SMPX: variants seen among roughly 807,000 people sequenced by gnomAD.
SMPX encodes the protein small muscular protein.
Under a neutral mutation model 6.3 loss-of-function variants are expected in SMPX, and 2 were observed. The ratio of observed to expected loss-of-function variants is 0.32; its 90% CI spans 0.13 to 0.99. The LOEUF (loss-of-function observed/expected upper bound fraction) is 0.99. Ranked by LOEUF, SMPX falls within the 50% of genes least tolerant of loss-of-function variation. The probability of loss-of-function intolerance (pLI) is 0.49; values close to 1 mark genes in which losing one functional copy is unlikely to be tolerated. For synonymous variants in SMPX, 32 were observed against 24.7 expected, an observed-to-expected ratio of 1.30 and a Z score of -0.88; for missense variants, 60 against 66.8, an observed-to-expected ratio of 0.90 and a Z score of 0.36.
At chrX:21,723,024 G>A (rs1384186238) in intron 4 of SMPX, among the ~76,000 whole-genome samples, 1 of 111,691 alleles carries the variant, frequency 9.0e-6, no homozygotes, top group East Asian at 2.8e-4. Context: ...CTGTACTTTT[G>A]GAGACTAGCC....
At chrX:21,746,808 A>T (rs1602111010) in intron 2 of SMPX, among the ~76,000 whole-genome samples, 1 of 111,081 alleles carries the variant, frequency 9.0e-6, no homozygotes, top group East Asian at 2.8e-4. Flanking sequence ...ACGATTAGAG[A>T]TGTTTCATTA....
chrX:21,724,361 G>A (rs1379001997), intron 4 of SMPX, among the ~76,000 whole-genome samples: 1 of 112,362 alleles, frequency 8.9e-6, no homozygotes, highest in African/African-American at 3.2e-5. Flanking sequence ...GCATGTATGT[G>A]CATGTGTGTG....
chrX:21,724,096 GCTCT>G (rs767858042), intron 4 of SMPX, among the ~76,000 whole-genome samples: 2 of 111,718 alleles, frequency 1.8e-5, no homozygotes, highest in Non-Finnish European at 3.8e-5. Flanking sequence ...TGACTCCCAG[GCTCT>G]CTCTCTCCTG....
intron 4 of SMPX, among the ~76,000 whole-genome samples, chrX:21,731,608 A>T (rs913992575): frequency 4.1e-5 from 4 of 96,563 alleles, no homozygotes; most frequent in East Asian, 7.0e-4. Context: ...TAATGTGTAT[A>T]TGTGTATATG....
intron 2 of SMPX, among the ~76,000 whole-genome samples, chrX:21,749,052 G>A (rs1245314383): frequency 8.9e-6 from 1 of 112,008 alleles, no homozygotes; most frequent in Non-Finnish European, 1.9e-5. Context: ...ATGGAGAGTG[G>A]AAGAACAATG....
chrX:21,728,400 A>G lies in SMPX; in HGVS notation c.*14+9149T>C, dbSNP rs769975635. On this transcript the variant is annotated intron_variant, in intron 4 of 4. Transcript: ENST00000379494. ...CGTGAACCAGGGTAGATGCTCTGGC[A>G]TATTTGAATCCCTAATGCCTGATAT... is the stretch of plus-strand genomic sequence containing the variant. Among the ~76,000 whole-genome samples, 88 of 111,541 alleles carry G rather than the reference A, an allele frequency of 7.9e-4. 1 individual carries two copies. The highest frequency in any genetic ancestry group is 4.7e-3 in the Middle Eastern group (1 of 214).
chrX:21,708,329 A>G (rs1012486938), intron 4 of SMPX, among the ~76,000 whole-genome samples: 1 of 112,324 alleles, frequency 8.9e-6, no homozygotes, highest in Non-Finnish European at 1.9e-5. Context: ...AGGGGGAGCC[A>G]TGGGACCCAG....
At chrX:21,726,720 T>C (rs2092797352) in intron 4 of SMPX, among the ~76,000 whole-genome samples, 1 of 112,217 alleles carries the variant, frequency 8.9e-6, no homozygotes, top group Admixed American at 9.4e-5. Context: ...AAAAATGTCT[T>C]CAAACATTGC....
At chrX:21,756,334 A>G (rs1237247379) in intron 1 of SMPX, among the ~76,000 whole-genome samples, 1 of 112,240 alleles carries the variant, frequency 8.9e-6, no homozygotes, top group Non-Finnish European at 1.9e-5. Context: ...TTTTCAATGG[A>G]CTGATTTAAC....
intron 1 of SMPX, among the ~76,000 whole-genome samples, chrX:21,755,422 T>A (rs1397145256): frequency 4.4e-5 from 5 of 112,503 alleles, no homozygotes; most frequent in Non-Finnish European, 9.4e-5. Context: ...CTTCTTTAAA[T>A]TTTACCTGCT....
chrX:21,746,634 A>G (rs1193731649), intron 2 of SMPX, among the ~76,000 whole-genome samples: 1 of 98,816 alleles, frequency 1.0e-5, no homozygotes, highest in Non-Finnish European at 2.0e-5. Context: ...TCAAGAAATC[A>G]GAAAAACTTA....
chrX:21,730,653 C>T (rs1433092424), intron 4 of SMPX, among the ~76,000 whole-genome samples: 1 of 111,778 alleles, frequency 8.9e-6, no homozygotes, highest in Non-Finnish European at 1.9e-5. Flanking sequence ...AACCCCAGAT[C>T]AACATATTGT....
intron 4 of SMPX, among the ~76,000 whole-genome samples, chrX:21,731,562 T>TTATG (rs2092804216): frequency 2.0e-5 from 1 of 51,099 alleles, no homozygotes; most frequent in African/African-American, 5.1e-5. Flanking sequence ...TATATACACA[T>TTATG]TATGTGTATA....
rs751529115 is a variant in SMPX at position 21,725,043 on chromosome X, T to A, written c.*14+12506A>T. ...TGTATGATGCCCCTTAAGCAGCCAT[T>A]TCACAAAGTCTCCAGGCTGCCATGT... On this transcript the variant is annotated intron_variant, in intron 4 of 4. Coordinates refer to ENST00000379494, the MANE Select transcript of SMPX (RefSeq NM_014332.3). 7.1e-5 allele frequency among the ~76,000 whole-genome samples: 8 copies of A among 112,470 alleles called. No homozygotes were observed. The South Asian group carries it at 3.0e-3, about 42-fold the overall frequency.
intron 1 of SMPX, among the ~76,000 whole-genome samples, chrX:21,754,819 C>G (rs1412822393): frequency 2.7e-5 from 3 of 112,111 alleles, no homozygotes; most frequent in Non-Finnish European, 5.6e-5. Flanking sequence ...ACTTGCTGTG[C>G]AGTGTCTGTT....
chrX:21,733,676 T>C (rs934109899), intron 4 of SMPX: 4 of 323,104 alleles, frequency 1.2e-5, no homozygotes, highest in Non-Finnish European at 2.4e-5. Flanking sequence ...CATTTCTTTT[T>C]CTTGTAATTG....
chrX:21,717,884 T>C (rs2092787018), intron 4 of SMPX, among the ~76,000 whole-genome samples: 1 of 112,216 alleles, frequency 8.9e-6, no homozygotes, highest in Admixed American at 9.4e-5. Flanking sequence ...AAAATAATAT[T>C]CTGAGCATGT....
At chrX:21,741,107 T>C (rs772972530) in intron 3 of SMPX, among the ~76,000 whole-genome samples, 12 of 111,814 alleles carry the variant, frequency 1.1e-4, no homozygotes, top group African/African-American at 3.2e-4. Flanking sequence ...CCAGAAACCA[T>C]AGGTGGGCCA....
Position 21,754,293 on chromosome X carries a change from A to G in SMPX, c.-3T>C. 2 of 1,204,290 alleles carry G rather than the reference A, an allele frequency of 1.7e-6. No individual in the cohort carries two copies. The highest frequency in any genetic ancestry group is 1.7e-5 in the African/African-American group (1 of 57,734). ...ACTGGCTGTTTCGACATATTCATGCAGTCTTATCCCTAAAAAAACAAGTAA... is the reference window on the plus strand; with the variant it reads ...ACTGGCTGTTTCGACATATTCATGCGGTCTTATCCCTAAAAAAACAAGTAA... On this transcript the variant is annotated 5_prime_UTR_variant, in exon 2 of 5. Coordinates refer to ENST00000379494, the MANE Select transcript of SMPX (RefSeq NM_014332.3).
Sources: allele counts gnomAD v4.1 joint callset (sites outside exome capture counted in the v4.1 genomes callset), GRCh38; gene constraint gnomAD v4.1.1; transcripts MANE v1.5; gene names NCBI Gene and HGNC (gene_info 2026-07-23, HGNC 2026-07-21).